The following IHO1 variants were observed in gnomAD, a reference collection of about 807,000 sequenced individuals.
IHO1 encodes the protein interactor of HORMAD1 protein 1.
A neutral mutation model predicts 31.0 loss-of-function variants in IHO1; 13 were observed. The ratio of observed to expected loss-of-function variants is 0.42; its 90% CI spans 0.27 to 0.67. The LOEUF (loss-of-function observed/expected upper bound fraction) is 0.67. Ranked by LOEUF, IHO1 falls within the 30% of genes least tolerant of loss-of-function variation. The pLI is 0.24. For synonymous variants in IHO1, 221 were observed against 248.4 expected (o/e 0.89, Z 1.04); for missense variants, 599 against 687.5 (o/e 0.87, Z 1.44).
At chr3:49,196,663 TATTG>T (rs112068710), upstream of IHO1, among the ~76,000 whole-genome samples, 19 of 149,514 alleles carry the variant, frequency 1.3e-4, 1 homozygote, top group African/African-American at 2.7e-4. Context: ...TTTGTATTTT[TATTG>T]ATTGATTGAT....
intron 4 of IHO1, 118 bp from the exon 5 acceptor site, chr3:49,244,286 C>A: frequency 2.9e-6 from 2 of 694,552 alleles, no homozygotes; most frequent in South Asian, 1.7e-5. Context: ...CAGATCTAAT[C>A]AAGCAATGTT....
At chr3:49,236,463 G>T (rs998420772) in intron 2 of IHO1, 85 bp from the exon 3 acceptor site, 5 of 1,002,086 alleles carry the variant, frequency 5.0e-6, no homozygotes, top group Middle Eastern at 2.9e-4. Context: ...TGCCCAAAAT[G>T]TTCTGAAATG....
chr3:49,191,878 G>A, the IHO1 span: 51 of 1,083,468 alleles, frequency 4.7e-5, no homozygotes, highest in Middle Eastern at 7.8e-4. Context: ...TAGTGACAAG[G>A]GAAGGTTGTG....
At chr3:49,220,935 A>G (rs977641420) in intron 2 of IHO1, among the ~76,000 whole-genome samples, 2 of 152,186 alleles carry the variant, frequency 1.3e-5, no homozygotes, top group East Asian at 1.9e-4. Flanking sequence ...ATCTTCCACA[A>G]TGTGGAAGGG....
intron 2 of IHO1, among the ~76,000 whole-genome samples, chr3:49,212,446 G>A (rs960004705): frequency 6.6e-6 from 1 of 151,418 alleles, no homozygotes; most frequent in African/African-American, 2.4e-5. Flanking sequence ...AACCTGGGAG[G>A]CGGAGCTTGT....
In IHO1 at chr3:49,257,547, G is replaced by C; in HGVS notation, c.*265G>C. The C allele has an allele frequency of 2.4e-6, 1 of 409,786 alleles. No homozygotes were observed. 25.4% of individuals were successfully genotyped at this position (409,786 alleles called of 1,614,324 possible). On this transcript the variant is annotated 3_prime_UTR_variant, in exon 8 of 8. Coordinates refer to ENST00000452691, the MANE Select transcript of IHO1 (RefSeq NM_001135197.2). ...AAACTGAGGCAGCAGCCTGGTTGTG[G>C]GGCATCTGGAGCAGGGTGCCTGTAC...
intron 1 of IHO1, among the ~76,000 whole-genome samples, chr3:49,202,851 A>ATTTTTT (rs71077774): frequency 3.3e-5 from 3 of 90,146 alleles, no homozygotes; most frequent in East Asian, 3.0e-4. Context: ...AATTTTTTGT[A>ATTTTTT]TTTTTTTTTT....
At chr3:49,233,751 A>G (rs2046511340) in intron 2 of IHO1, among the ~76,000 whole-genome samples, 1 of 152,194 alleles carries the variant, frequency 6.6e-6, no homozygotes, top group Non-Finnish European at 1.5e-5. Context: ...CATAAACAAA[A>G]TCTCTGCAGC....
intron 1 of IHO1, chr3:49,200,507 G>GAAAGAAAGAAAAGAAAGAA (rs2046052166): frequency 1.3e-6 from 1 of 759,956 alleles, no homozygotes; most frequent in Non-Finnish European, 1.6e-6. Context: ...AAGAAAGAAA[G>GAAAGAAAGAAAAGAAAGAA]AAAGAAAGAA....
At chr3:49,194,838 G>A (rs1020215203), upstream of IHO1, among the ~76,000 whole-genome samples, 1 of 152,002 alleles carries the variant, frequency 6.6e-6, no homozygotes, top group African/African-American at 2.4e-5. Context: ...CGAGGCAGCA[G>A]TGAGCCATGA....
At position 49,252,880 on chromosome 3, in the gene IHO1, A is replaced by G. The variant is rs192315105; in HGVS notation, c.533-2510A>G. ...CAACATGGTGGACCCTGTCTCTACT[A>G]AAAATACAAAAATTAGCTGGGCATG... On this transcript the variant is annotated intron_variant, in intron 6 of 7. Transcript: ENST00000452691. Among the ~76,000 whole-genome samples, 481 of 152,108 alleles carry G rather than the reference A, an allele frequency of 3.2e-3. 2 individuals are homozygous for G. The highest frequency in any genetic ancestry group is 6.8e-3 in the Middle Eastern group (2 of 294).
chr3:49,218,006 G>A (rs1418000396), intron 2 of IHO1, among the ~76,000 whole-genome samples: 1 of 152,228 alleles, frequency 6.6e-6, no homozygotes, highest in African/African-American at 2.4e-5. Context: ...GGGGTCTGTA[G>A]GCAGATGAAT....
chr3:49,225,582 G>A (rs560614843), intron 2 of IHO1, among the ~76,000 whole-genome samples: 15 of 152,288 alleles, frequency 9.8e-5, no homozygotes, highest in Admixed American at 8.5e-4. Context: ...ACAACAAATG[G>A]GTAACTTATT....
intron 2 of IHO1, among the ~76,000 whole-genome samples, chr3:49,225,587 C>T (rs138621018): frequency 0.011 from 1,738 of 152,334 alleles, 32 homozygotes; most frequent in Middle Eastern, 0.051. Flanking sequence ...AAATGGGTAA[C>T]TTATTCCCCC....
chr3:49,191,368 TG>T, the IHO1 span, among the ~76,000 whole-genome samples: 1 of 152,214 alleles, frequency 6.6e-6, no homozygotes, highest in Admixed American at 6.5e-5. Flanking sequence ...CTTCCAGGCG[TG>T]GGGCTGAGCA....
At chr3:49,255,601 G>T (rs941922182) in intron 7 of IHO1, 108 bp downstream of exon 7, 6 of 607,032 alleles carry the variant, frequency 9.9e-6, no homozygotes, top group Non-Finnish European at 1.6e-5. Flanking sequence ...TCGCTTTGTC[G>T]TGCGGTGGTG....
chr3:49,248,566 TA>T (rs35726209), intron 6 of IHO1, among the ~76,000 whole-genome samples: 11 of 148,882 alleles, frequency 7.4e-5, no homozygotes, highest in Non-Finnish European at 1.2e-4. Flanking sequence ...CCATCTCTAC[TA>T]AAAAAAAAAT....
intron 6 of IHO1, among the ~76,000 whole-genome samples, chr3:49,250,875 CA>C (rs1350633040): frequency 6.6e-6 from 1 of 151,862 alleles, no homozygotes; most frequent in East Asian, 2.0e-4. Flanking sequence ...ACTACAAATA[CA>C]AAAATTAGCC....
At chr3:49,218,859 A>G (rs1251232642) in intron 2 of IHO1, among the ~76,000 whole-genome samples, 1 of 151,776 alleles carries the variant, frequency 6.6e-6, no homozygotes, top group Non-Finnish European at 1.5e-5. Flanking sequence ...CAATGACAAA[A>G]CCCTGTCTCT....
Sources: gnomAD v4.1 joint callset for allele counts (sites outside exome capture counted in the v4.1 genomes callset) on GRCh38, gnomAD v4.1.1 for gene constraint, MANE v1.5 for transcripts, NCBI Gene and HGNC (gene_info 2026-07-23, HGNC 2026-07-21) for gene names.